Variants in CNTN6 observed in about 807,000 individuals in gnomAD.
The protein encoded by CNTN6 is contactin-6.
In CNTN6, 137 loss-of-function variants were observed where a neutral mutation model predicts 122.8. That is an observed-to-expected ratio of 1.12 (90% CI 0.97 to 1.29). The LOEUF (loss-of-function observed/expected upper bound fraction) is 1.29. CNTN6 is among the 50% of genes most tolerant of loss of function. The probability of loss-of-function intolerance (pLI) is 0.00; values close to 1 mark genes in which losing one functional copy is unlikely to be tolerated. For synonymous variants in CNTN6, 570 were observed against 426.0 expected, an observed-to-expected ratio of 1.34 and a Z score of -4.16; for missense variants, 1,634 against 1,223.4, an observed-to-expected ratio of 1.34 and a Z score of -5.01.
chr3:1,240,817 A>G (rs1385715825), intron 4 of CNTN6, among the ~76,000 whole-genome samples: 1 of 152,208 alleles, frequency 6.6e-6, no homozygotes, highest in Non-Finnish European at 1.5e-5. Context: ...TGGGTGAAAT[A>G]AACCCATGCA....
chr3:1,210,429 A>AAGGAAAGAAG (rs1335287481), intron 2 of CNTN6, among the ~76,000 whole-genome samples: 1 of 152,018 alleles, frequency 6.6e-6, no homozygotes, highest in Non-Finnish European at 1.5e-5. Context: ...AGGAAAGAAA[A>AAGGAAAGAAG]AAAAAAGGCT....
At chr3:1,332,803 A>T (rs529665573) in intron 11 of CNTN6, among the ~76,000 whole-genome samples, 1 of 152,138 alleles carries the variant, frequency 6.6e-6, no homozygotes, top group South Asian at 2.1e-4. Flanking sequence ...AAGGTTGATT[A>T]TTTCTTCTAC....
intron 1 of CNTN6, among the ~76,000 whole-genome samples, chr3:1,147,708 G>A (rs1048499696): frequency 7.2e-5 from 11 of 151,986 alleles, no homozygotes; most frequent in African/African-American, 2.7e-4. Context: ...GACAAATAAT[G>A]TTTTCTAATA....
chr3:1,287,893 T>C (rs1399593956), intron 5 of CNTN6, among the ~76,000 whole-genome samples: 3 of 152,208 alleles, frequency 2.0e-5, no homozygotes, highest in Admixed American at 6.5e-5. Flanking sequence ...TTCCTCCCCA[T>C]GTTTAGCATA....
intron 4 of CNTN6, among the ~76,000 whole-genome samples, chr3:1,263,390 T>C (rs2094878466): frequency 1.3e-5 from 2 of 152,080 alleles, no homozygotes; most frequent in South Asian, 4.1e-4. Flanking sequence ...ATAACCTAAT[T>C]TTGGAAGTGA....
At chr3:1,296,395 T>C (rs1444536792) in intron 6 of CNTN6, among the ~76,000 whole-genome samples, 3 of 152,182 alleles carry the variant, frequency 2.0e-5, no homozygotes, top group Non-Finnish European at 4.4e-5. Context: ...ACGAGCTTTG[T>C]AGCTTAGTCA....
chr3:1,384,062 A>G (rs1352024876), intron 19 of CNTN6, among the ~76,000 whole-genome samples: 4 of 152,168 alleles, frequency 2.6e-5, no homozygotes, highest in Admixed American at 6.5e-5. Context: ...AATTCAAAGC[A>G]AACAAATTAA....
intron 11 of CNTN6, among the ~76,000 whole-genome samples, chr3:1,333,216 G>A (rs1575742518): frequency 6.6e-6 from 1 of 151,884 alleles, no homozygotes; most frequent in Non-Finnish European, 1.5e-5. Context: ...TTTATTTTTA[G>A]ATTTGATTAC....
intron 12 of CNTN6, among the ~76,000 whole-genome samples, chr3:1,358,251 A>G (rs925891281): frequency 3.2e-4 from 49 of 151,936 alleles, no homozygotes; most frequent in African/African-American, 1.1e-3. Flanking sequence ...TATAAATCTC[A>G]AACTATTAAG....
At chr3:1,158,771 TATATATGTGTGTATATATGTG>T (rs2093035864) in intron 2 of CNTN6, among the ~76,000 whole-genome samples, 2 of 111,816 alleles carry the variant, frequency 1.8e-5, no homozygotes, top group African/African-American at 3.5e-5. Context: ...TATACACACA[TATATATGTGTGTATATATGTG>T]TATATATATA....
At chr3:1,323,553 C>G (rs1701146598) in intron 8 of CNTN6, among the ~76,000 whole-genome samples, 1 of 151,714 alleles carries the variant, frequency 6.6e-6, no homozygotes, top group Non-Finnish European at 1.5e-5. Context: ...TGAATAATAA[C>G]TGAGAAATTC....
At chr3:1,249,949 T>G (rs916123195) in intron 4 of CNTN6, among the ~76,000 whole-genome samples, 1 of 151,846 alleles carries the variant, frequency 6.6e-6, no homozygotes, top group African/African-American at 2.4e-5. Context: ...TTTTTTGTTG[T>G]TTTTTGTTTT....
At chr3:1,272,523 G>A (rs767308381) in intron 4 of CNTN6, among the ~76,000 whole-genome samples, 3 of 147,474 alleles carry the variant, frequency 2.0e-5, no homozygotes. Flanking sequence ...TTCATACATA[G>A]TAAATGGGAA....
At chr3:1,123,594 G>C (rs549680359) in intron 1 of CNTN6, among the ~76,000 whole-genome samples, 1 of 151,864 alleles carries the variant, frequency 6.6e-6, no homozygotes, top group African/African-American at 2.4e-5. Flanking sequence ...GGAAGACTGA[G>C]ATTTTTATAT....
At chr3:1,137,538 A>C (rs1365758904) in intron 1 of CNTN6, among the ~76,000 whole-genome samples, 2 of 152,174 alleles carry the variant, frequency 1.3e-5, no homozygotes, top group Non-Finnish European at 2.9e-5. Flanking sequence ...ATCTAGTTGA[A>C]CTTCCTACTT....
chr3:1,237,297 C>A (rs536436659), intron 4 of CNTN6, among the ~76,000 whole-genome samples: 1 of 151,894 alleles, frequency 6.6e-6, no homozygotes, highest in Non-Finnish European at 1.5e-5. Context: ...AACTTCAGAG[C>A]TCTAAGACAA....
Position 1,325,972 on chromosome 3 carries a change from T to C in CNTN6, c.1083+21T>C, listed in dbSNP as rs753865939. The C allele has an allele frequency of 6.9e-6, 11 of 1,597,444 alleles. No homozygotes were observed. The East Asian group carries it at 2.5e-4, about 36-fold the overall frequency. ...CAGAGGTAAGCAACTATGTTGATAT[T>C]AAAAGTTTACCTACTCTACTAGGTA... is the stretch of plus-strand genomic sequence containing the variant. On this transcript the variant is annotated intron_variant, in intron 9 of 22. Transcript: ENST00000446702.
intron 2 of CNTN6, among the ~76,000 whole-genome samples, chr3:1,164,922 G>A (rs2093212792): frequency 6.6e-6 from 1 of 152,096 alleles, no homozygotes; most frequent in Admixed American, 6.6e-5. Context: ...GGATTTTTTT[G>A]TGGCTTAACC....
At chr3:1,223,750 ACTCCTTT>A in intron 3 of CNTN6, among the ~76,000 whole-genome samples, 1 of 151,940 alleles carries the variant, frequency 6.6e-6, no homozygotes, top group South Asian at 2.1e-4. Flanking sequence ...ACCAGAGGAG[ACTCCTTT>A]CTGTAATTTA....
Sources: allele counts gnomAD v4.1 joint callset (sites outside exome capture counted in the v4.1 genomes callset), GRCh38; gene constraint gnomAD v4.1.1; transcripts MANE v1.5; gene names NCBI Gene and HGNC (gene_info 2026-07-23, HGNC 2026-07-21).